FAR2: variants seen among roughly 807,000 people sequenced by gnomAD.
FAR2 encodes the protein fatty acyl-CoA reductase 2.
A neutral mutation model predicts 56.0 loss-of-function variants in FAR2; 19 were observed. The ratio of observed to expected loss-of-function variants is 0.34; its 90% CI spans 0.24 to 0.50. FAR2 has a LOEUF of 0.50. Ranked by LOEUF, FAR2 falls within the 20% of genes least tolerant of loss-of-function variation. The pLI is 0.98. For missense variants in FAR2, 508 were observed against 642.2 expected (o/e 0.79, Z 2.26); for synonymous variants, 219 against 218.8 (o/e 1.00, Z -0.01).
At chr12:29,162,258 G>T (rs1264887307) in intron 1 of FAR2, among the ~76,000 whole-genome samples, 1 of 152,074 alleles carries the variant, frequency 6.6e-6, no homozygotes, top group Admixed American at 6.6e-5. Flanking sequence ...TTAATTTTTT[G>T]TGTGATGTGA....
rs12314513 is a variant in FAR2, at chr12:29,265,691, G to A, written c.-38-4721G>A. Among the ~76,000 whole-genome samples, 112 of 152,204 alleles carry A rather than the reference G, an allele frequency of 7.4e-4. 1 individual carries two copies. Among genetic ancestry groups the A allele is most frequent in the Middle Eastern group, 6.8e-3 (2 of 294 alleles). ...TGGGATTACAAGTTTAAATGCTTCT[G>A]TACAGCAAAGGAAACAAACAACAAA... is the stretch of plus-strand genomic sequence containing the variant. On this transcript the variant is annotated intron_variant, in intron 1 of 11. Coordinates refer to ENST00000536681, the MANE Select transcript of FAR2 (RefSeq NM_001271783.2).
chr12:29,253,191 C>CTATATATCTATATATCTA (rs1948242172), intron 1 of FAR2, among the ~76,000 whole-genome samples: 1 of 91,122 alleles, frequency 1.1e-5, no homozygotes, highest in African/African-American at 5.2e-5. Context: ...CTCTCTCTAT[C>CTATATATCTATATATCTA]TATCTATCTA....
chr12:29,152,119 A>G (rs1362711359), intron 1 of FAR2, among the ~76,000 whole-genome samples: 2 of 152,250 alleles, frequency 1.3e-5, no homozygotes, highest in East Asian at 3.8e-4. Flanking sequence ...CTAAAGGTGC[A>G]GAATAACTTC....
At chr12:29,229,534 A>G (rs187938120) in intron 1 of FAR2, among the ~76,000 whole-genome samples, 1 of 152,310 alleles carries the variant, frequency 6.6e-6, no homozygotes, top group Non-Finnish European at 1.5e-5. Context: ...AAAAAGACCA[A>G]ATCTATTTGT....
At chr12:29,283,743 A>G (rs1948824913) in intron 2 of FAR2, among the ~76,000 whole-genome samples, 1 of 152,230 alleles carries the variant, frequency 6.6e-6, no homozygotes. Flanking sequence ...GAACATGCTC[A>G]CCACAGACCA....
rs564647838 is a variant in FAR2 at position 29,332,588 on chromosome 12, C to G, written c.1258-12C>G. The G allele has an allele frequency of 2.4e-5, 39 of 1,613,492 alleles. No individual in the cohort carries two copies. In the East Asian group the frequency reaches 8.2e-4, roughly 34 times the overall value. ...GCAATTCTGGCAATCTATAATCTCT[C>G]TTGCCTCTCAGGTATTCAACTTTGA... On this transcript the variant is annotated splice_polypyrimidine_tract_variant and intron_variant, in intron 10 of 11. Coordinates refer to ENST00000536681, the MANE Select transcript of FAR2 (RefSeq NM_001271783.2).
intron 1 of FAR2, among the ~76,000 whole-genome samples, chr12:29,235,424 A>G (rs1322497191): frequency 6.6e-6 from 1 of 152,114 alleles, no homozygotes; most frequent in Admixed American, 6.6e-5. Context: ...AAATCCTCTT[A>G]TGTATCTCTT....
chr12:29,168,787 A>C (rs1259539537), intron 1 of FAR2, among the ~76,000 whole-genome samples: 6 of 152,218 alleles, frequency 3.9e-5, no homozygotes, highest in Non-Finnish European at 7.3e-5. Flanking sequence ...TTTACTGTGA[A>C]GAGCAAAAGA....
At chr12:29,301,787 T>C (rs1949168277) in intron 4 of FAR2, 1 of 152,218 alleles carries the variant, frequency 6.6e-6, no homozygotes, top group African/African-American at 2.4e-5. Context: ...TTGATATTAT[T>C]ATCACTGCTA....
chr12:29,172,575 G>A (rs1018079876), intron 1 of FAR2, among the ~76,000 whole-genome samples: 13 of 152,024 alleles, frequency 8.6e-5, no homozygotes, highest in African/African-American at 2.2e-4. Context: ...ATTATAGAAC[G>A]CTGAGGTTGC....
At chr12:29,179,131 C>A (rs948962103) in intron 1 of FAR2, among the ~76,000 whole-genome samples, 2 of 152,182 alleles carry the variant, frequency 1.3e-5, no homozygotes, top group African/African-American at 4.8e-5. Context: ...CTCATTTTAA[C>A]TGAATTACCT....
chr12:29,274,603 C>G (rs746342072), intron 2 of FAR2, among the ~76,000 whole-genome samples: 1 of 152,062 alleles, frequency 6.6e-6, no homozygotes, highest in Non-Finnish European at 1.5e-5. Context: ...GTGACCTGCA[C>G]GTACACATCC....
At chr12:29,323,500 T>G (rs905504847) in intron 10 of FAR2, among the ~76,000 whole-genome samples, 11 of 152,208 alleles carry the variant, frequency 7.2e-5, no homozygotes, top group Middle Eastern at 3.4e-3. Context: ...CACCCCCCAG[T>G]AGGGGCGGAC....
chr12:29,214,284 A>G (rs2136631679), intron 1 of FAR2, among the ~76,000 whole-genome samples: 1 of 152,330 alleles, frequency 6.6e-6, no homozygotes, highest in East Asian at 1.9e-4. Context: ...TCAGGCATAT[A>G]AAGTAGGCCT....
chr12:29,212,665 A>C (rs1947565421), intron 1 of FAR2, among the ~76,000 whole-genome samples: 1 of 152,218 alleles, frequency 6.6e-6, no homozygotes. Context: ...AATACTGCAA[A>C]CTTGAGATAT....
At chr12:29,242,201 C>T (rs1250339520) in intron 1 of FAR2, among the ~76,000 whole-genome samples, 3 of 152,156 alleles carry the variant, frequency 2.0e-5, no homozygotes, top group African/African-American at 7.2e-5. Flanking sequence ...CCATTTAGAA[C>T]TGGGTGACTC....
In FAR2 at chr12:29,309,244, T is replaced by C. The variant is rs777350492; in HGVS notation, c.768+14T>C. On this transcript the variant is annotated intron_variant, in intron 6 of 11. Coordinates refer to ENST00000536681, the MANE Select transcript of FAR2 (RefSeq NM_001271783.2). ...ATCATTATTGCGGTATGTATAATGA[T>C]GAAGAAATAACTCCCTGAAATGTAG... 5.7e-6 allele frequency: 9 copies of C among 1,582,128 alleles called. No homozygotes were observed. In the Admixed American group the frequency reaches 1.4e-4, roughly 24 times the overall value.
intron 8 of FAR2, among the ~76,000 whole-genome samples, chr12:29,313,510 C>G (rs1389087677): frequency 6.6e-6 from 1 of 152,102 alleles, no homozygotes; most frequent in Non-Finnish European, 1.5e-5. Flanking sequence ...TTGGAGCAAT[C>G]TATTCCTTGG....
At chr12:29,205,430 AT>A (rs143559631) in intron 1 of FAR2, among the ~76,000 whole-genome samples, 1 of 152,300 alleles carries the variant, frequency 6.6e-6, no homozygotes, top group Non-Finnish European at 1.5e-5. Flanking sequence ...GAAGCACAAA[AT>A]TTCCACATCA....
Sources: allele counts gnomAD v4.1 joint callset (sites outside exome capture counted in the v4.1 genomes callset), GRCh38; gene constraint gnomAD v4.1.1; transcripts MANE v1.5; gene names NCBI Gene and HGNC (gene_info 2026-07-23, HGNC 2026-07-21).